The following SPMIP2 variants were observed in gnomAD, a reference collection of about 807,000 sequenced individuals.
SPMIP2 encodes the protein protein SPMIP2.
chr4:159,019,169 A>G, the SPMIP2 span, among the ~76,000 whole-genome samples: 1 of 151,844 alleles, frequency 6.6e-6, no homozygotes. Context: ...GCCCAAATAG[A>G]CCGCTTCACA....
the SPMIP2 span, chr4:159,007,307 A>C: frequency 1.2e-6 from 1 of 832,872 alleles, no homozygotes; most frequent in South Asian, 1.3e-5. Flanking sequence ...TCCGGGCCCC[A>C]CTGGACATCT....
chr4:158,910,146 G>T, the SPMIP2 span, among the ~76,000 whole-genome samples: 2 of 152,014 alleles, frequency 1.3e-5, no homozygotes, highest in Admixed American at 1.3e-4. Context: ...TTCCCAAACC[G>T]TTGGGATTAC....
At chr4:159,066,013 T>C in the SPMIP2 span, among the ~76,000 whole-genome samples, 1 of 152,204 alleles carries the variant, frequency 6.6e-6, no homozygotes, top group Non-Finnish European at 1.5e-5. Context: ...GTGTCTTTAC[T>C]TCCCTCATTG....
chr4:159,082,239 A>G, the SPMIP2 span, among the ~76,000 whole-genome samples: 1 of 151,554 alleles, frequency 6.6e-6, no homozygotes, highest in Non-Finnish European at 1.5e-5. Flanking sequence ...AAGCTGAGGC[A>G]GGAGAATCAC....
At chr4:158,938,740 G>T in the SPMIP2 span, among the ~76,000 whole-genome samples, 4 of 152,156 alleles carry the variant, frequency 2.6e-5, no homozygotes, top group African/African-American at 9.7e-5. Context: ...ACTGCAAAAG[G>T]TTACTGTTGC....
At chr4:158,918,257 C>T in the SPMIP2 span, among the ~76,000 whole-genome samples, 1 of 152,192 alleles carries the variant, frequency 6.6e-6, no homozygotes, top group African/African-American at 2.4e-5. Context: ...CCTTCCCTCC[C>T]GCTCCCTTCA....
At chr4:158,982,859 T>C in the SPMIP2 span, among the ~76,000 whole-genome samples, 96,182 of 151,954 alleles carry the variant, frequency 0.63, 30,767 homozygotes, top group Middle Eastern at 0.71. Context: ...GATCAAACTA[T>C]TCCGAGCTAC....
chr4:158,910,833 G>A, the SPMIP2 span, among the ~76,000 whole-genome samples: 1 of 152,142 alleles, frequency 6.6e-6, no homozygotes, highest in Non-Finnish European at 1.5e-5. Flanking sequence ...CACAATCACA[G>A]GAGCCAACTC....
At chr4:159,056,344 G>C in the SPMIP2 span, among the ~76,000 whole-genome samples, 1 of 152,124 alleles carries the variant, frequency 6.6e-6, no homozygotes, top group East Asian at 1.9e-4. Flanking sequence ...GAGGGTAGGG[G>C]AAGTTCACAG....
the SPMIP2 span, among the ~76,000 whole-genome samples, chr4:158,902,729 TGA>T: frequency 6.6e-6 from 1 of 152,254 alleles, no homozygotes; most frequent in Non-Finnish European, 1.5e-5. Context: ...GTGGCCTTGC[TGA>T]GAGCTGCAGT....
At chr4:159,078,103 T>A in the SPMIP2 span, among the ~76,000 whole-genome samples, 2 of 152,212 alleles carry the variant, frequency 1.3e-5, no homozygotes, top group Admixed American at 6.5e-5. Context: ...TGATTTTATT[T>A]TTTTGATTTT....
At chr4:158,977,977 G>T in the SPMIP2 span, among the ~76,000 whole-genome samples, 2 of 151,938 alleles carry the variant, frequency 1.3e-5, no homozygotes, top group African/African-American at 4.8e-5. Flanking sequence ...GAATTTGTTT[G>T]CTCTTGTTTC....
At chr4:159,015,608 C>G in the SPMIP2 span, among the ~76,000 whole-genome samples, 1 of 152,054 alleles carries the variant, frequency 6.6e-6, no homozygotes, top group African/African-American at 2.4e-5. Context: ...GCAAGAGAAA[C>G]AGTCTATTCT....
chr4:159,022,193 G>A, the SPMIP2 span, among the ~76,000 whole-genome samples: 4 of 152,094 alleles, frequency 2.6e-5, no homozygotes, highest in Non-Finnish European at 5.9e-5. Flanking sequence ...TAACCCAAAT[G>A]CTACCAGCAT....
the SPMIP2 span, among the ~76,000 whole-genome samples, chr4:158,984,843 A>C: frequency 6.6e-6 from 1 of 151,874 alleles, no homozygotes; most frequent in African/African-American, 2.4e-5. Context: ...TGAATCCAGA[A>C]GCTGGTTTTT....
the SPMIP2 span, among the ~76,000 whole-genome samples, chr4:158,969,543 C>A: frequency 2.6e-5 from 4 of 152,218 alleles, no homozygotes; most frequent in East Asian, 3.9e-4. Context: ...AAGAGGAACT[C>A]GATCTTGTGA....
chr4:159,035,294 GCAGAGA>G, the SPMIP2 span: 3 of 538,282 alleles, frequency 5.6e-6, no homozygotes, highest in Non-Finnish European at 9.9e-6. Flanking sequence ...ATCTCCAAGA[GCAGAGA>G]CAGATACTGC....
the SPMIP2 span, among the ~76,000 whole-genome samples, chr4:158,903,270 C>CCCCA: frequency 6.6e-6 from 1 of 152,100 alleles, no homozygotes; most frequent in Non-Finnish European, 1.5e-5. Flanking sequence ...TAAGGCAACA[C>CCCCA]CCCACCCTCC....
chr4:158,934,231 C>T, the SPMIP2 span, among the ~76,000 whole-genome samples: 1 of 152,120 alleles, frequency 6.6e-6, no homozygotes, highest in South Asian at 2.1e-4. Context: ...GAGGCCTAGA[C>T]AGGTGGATCA....
Sources: allele counts gnomAD v4.1 joint callset (sites outside exome capture counted in the v4.1 genomes callset), GRCh38; gene constraint gnomAD v4.1.1; transcripts MANE v1.5; gene names NCBI Gene and HGNC (gene_info 2026-07-23, HGNC 2026-07-21).